Variants in LANCL2 observed in about 807,000 individuals in gnomAD.
The protein encoded by LANCL2 is lanC-like protein 2.
A neutral mutation model predicts 56.9 loss-of-function variants in LANCL2; 33 were observed. That is an observed-to-expected ratio of 0.58 (90% CI 0.44 to 0.78). LANCL2 has a LOEUF of 0.78. LANCL2 is among the 30% of genes least tolerant of loss of function. The pLI, the probability that LANCL2 is intolerant of heterozygous loss-of-function variation, is 0.00. For missense variants in LANCL2, 562 were observed against 580.2 expected (o/e 0.97, Z 0.32); for synonymous variants, 233 against 228.2 (o/e 1.02, Z -0.19).
intron 6 of LANCL2, among the ~76,000 whole-genome samples, chr7:55,416,962 C>T (rs961772512): frequency 4.0e-5 from 5 of 125,602 alleles, no homozygotes; most frequent in Non-Finnish European, 6.9e-5. Flanking sequence ...AGGTAACAAA[C>T]GAGGTGGTTT....
intron 5 of LANCL2, among the ~76,000 whole-genome samples, chr7:55,403,435 AAG>A (rs1790365930): frequency 6.6e-6 from 1 of 151,726 alleles, no homozygotes; most frequent in East Asian, 1.9e-4. Flanking sequence ...AGACCGTGGA[AAG>A]AGAGGGAGAG....
intron 7 of LANCL2, among the ~76,000 whole-genome samples, chr7:55,425,735 T>G (rs1790657151): frequency 6.6e-6 from 1 of 152,188 alleles, no homozygotes; most frequent in African/African-American, 2.4e-5. Flanking sequence ...TCTTCAAGCC[T>G]CAGTTTCCTC....
At chr7:55,412,917 C>T (rs1285531321) in intron 6 of LANCL2, among the ~76,000 whole-genome samples, 1 of 152,154 alleles carries the variant, frequency 6.6e-6, no homozygotes, top group Non-Finnish European at 1.5e-5. Flanking sequence ...ATAATAAGAA[C>T]TGATACCTGA....
chr7:55,371,683 A>G (rs1789945175), intron 1 of LANCL2, among the ~76,000 whole-genome samples: 1 of 152,188 alleles, frequency 6.6e-6, no homozygotes, highest in South Asian at 2.1e-4. Flanking sequence ...AAAGGACTTT[A>G]CAACTTTTTC....
At chr7:55,383,822 G>A (rs1790095181) in intron 1 of LANCL2, among the ~76,000 whole-genome samples, 2 of 149,016 alleles carry the variant, frequency 1.3e-5, no homozygotes, top group Non-Finnish European at 1.5e-5. Flanking sequence ...GGGCAAGAGA[G>A]TGAGACTTCG....
chr7:55,419,315 A>G (rs1340210805), intron 6 of LANCL2, among the ~76,000 whole-genome samples: 1 of 151,662 alleles, frequency 6.6e-6, no homozygotes, highest in Non-Finnish European at 1.5e-5. Flanking sequence ...CTAAGTTGTC[A>G]AATTTATTGG....
intron 1 of LANCL2, among the ~76,000 whole-genome samples, chr7:55,381,973 G>A (rs796234435): frequency 2.6e-4 from 40 of 152,326 alleles, no homozygotes; most frequent in African/African-American, 8.9e-4. Flanking sequence ...TCGCTGGTTG[G>A]GAGGGAAGGA....
chr7:55,366,552 G>GAGT (rs1789873627), intron 1 of LANCL2, among the ~76,000 whole-genome samples: 1 of 152,138 alleles, frequency 6.6e-6, no homozygotes, highest in East Asian at 1.9e-4. Flanking sequence ...GACACCTCCC[G>GAGT]CCCCTGCGCG....
At chr7:55,395,860 C>A (rs143550469) in intron 2 of LANCL2, among the ~76,000 whole-genome samples, 2 of 152,154 alleles carry the variant, frequency 1.3e-5, no homozygotes, top group African/African-American at 4.8e-5. Context: ...TTCTGAGAAA[C>A]GCATCATTGA....
intron 1 of LANCL2, chr7:55,379,736 A>T (rs570106394): frequency 6.6e-6 from 1 of 152,640 alleles, no homozygotes; most frequent in Non-Finnish European, 1.5e-5. Context: ...CCAGACAGTT[A>T]CTCTTTTTGG....
chr7:55,429,907 A>C (rs918745845), intron 8 of LANCL2, among the ~76,000 whole-genome samples: 2 of 152,232 alleles, frequency 1.3e-5, no homozygotes, highest in African/African-American at 4.8e-5. Context: ...CAGGGGACGG[A>C]GGGATTATTA....
At chr7:55,396,147 G>A (rs1418162517) in intron 2 of LANCL2, among the ~76,000 whole-genome samples, 1 of 152,124 alleles carries the variant, frequency 6.6e-6, no homozygotes, top group Non-Finnish European at 1.5e-5. Context: ...TGAATTGTGG[G>A]GGCTCAGTGT....
chr7:55,368,379 C>T (rs1789899104), intron 1 of LANCL2, among the ~76,000 whole-genome samples: 6 of 152,044 alleles, frequency 3.9e-5, no homozygotes, highest in Admixed American at 3.9e-4. Context: ...GGGACCTATG[C>T]CAGTGGTTGT....
At chr7:55,415,621 C>CTTTCTTTTTTTTTTTT (rs149792554) in intron 6 of LANCL2, among the ~76,000 whole-genome samples, 1 of 111,770 alleles carries the variant, frequency 8.9e-6, no homozygotes, top group African/African-American at 3.2e-5. Context: ...GTTTTTCTTT[C>CTTTCTTTTTTTTTTTT]TTTTTTTTGA....
At chr7:55,383,256 C>T (rs560252215) in intron 1 of LANCL2, among the ~76,000 whole-genome samples, 1 of 152,232 alleles carries the variant, frequency 6.6e-6, no homozygotes, top group Admixed American at 6.5e-5. Flanking sequence ...AAGGAAGAAG[C>T]TCCTCCTTAC....
chr7:55,426,802 A>T (rs1460082305), intron 7 of LANCL2, among the ~76,000 whole-genome samples: 1 of 152,130 alleles, frequency 6.6e-6, no homozygotes, highest in Non-Finnish European at 1.5e-5. Flanking sequence ...AGCACGGGGG[A>T]TGGGGCAAAA....
rs1789856804 is a variant in LANCL2 at position 55,365,975 on chromosome 7, AGCGC to A, written c.-50_-47del. 2 of 1,333,326 alleles carry A rather than the reference AGCGC, an allele frequency of 1.5e-6. No homozygotes were observed. Among genetic ancestry groups the A allele is most frequent in the Non-Finnish European group, 2.0e-6 (2 of 1,020,598 alleles). 82.6% of individuals were successfully genotyped at this position (1,333,326 alleles called of 1,614,324 possible). ...AGGAGGCGGCGGCGGGGCGAGCTGC[AGCGC>A]CGGGACAGGAGGTTTGTCCCCGCCC... is the stretch of plus-strand genomic sequence containing the variant. On this transcript the variant is annotated 5_prime_UTR_variant, in exon 1 of 9. Transcript: ENST00000254770.
At chr7:55,374,074 A>G (rs1461814312) in intron 1 of LANCL2, among the ~76,000 whole-genome samples, 4 of 152,234 alleles carry the variant, frequency 2.6e-5, no homozygotes, top group African/African-American at 9.6e-5. Context: ...TAATTTGACC[A>G]CAAAATCCTG....
intron 6 of LANCL2, among the ~76,000 whole-genome samples, chr7:55,415,000 A>G (rs887379108): frequency 6.5e-5 from 8 of 123,030 alleles, no homozygotes; most frequent in African/African-American, 2.5e-4. Flanking sequence ...AAAAAAAAAA[A>G]AGAAAAGAAA....
Sources: gnomAD v4.1 joint callset for allele counts (sites outside exome capture counted in the v4.1 genomes callset) on GRCh38, gnomAD v4.1.1 for gene constraint, MANE v1.5 for transcripts, NCBI Gene and HGNC (gene_info 2026-07-23, HGNC 2026-07-21) for gene names.